ULK4: variants seen among roughly 807,000 people sequenced by gnomAD.
ULK4 encodes the protein inactive serine/threonine-protein kinase ULK4.
ULK4 carries 133 observed loss-of-function variants against 160.6 expected under a neutral mutation model. The observed-to-expected ratio is 0.83, with a 90% CI of 0.72 to 0.96. The LOEUF (loss-of-function observed/expected upper bound fraction) is 0.96. Ranked by LOEUF, ULK4 falls within the 40% of genes least tolerant of loss-of-function variation. The pLI is 0.00. For synonymous variants in ULK4, 534 were observed against 539.8 expected, an observed-to-expected ratio of 0.99 and a Z score of 0.15; for missense variants, 1,580 against 1,499.5, an observed-to-expected ratio of 1.05 and a Z score of -0.89.
chr3:41,715,849 AT>A (rs60458744), intron 23 of ULK4, among the ~76,000 whole-genome samples: 48,452 of 150,412 alleles, frequency 0.32, 11,424 homozygotes, highest in African/African-American at 0.67. Context: ...TAGCTTTAGA[AT>A]TTTTTTTTTG....
At chr3:41,394,603 A>G (rs548984984) in intron 35 of ULK4, among the ~76,000 whole-genome samples, 2 of 152,262 alleles carry the variant, frequency 1.3e-5, no homozygotes, top group African/African-American at 4.8e-5. Flanking sequence ...GAATGGTCGT[A>G]TGGGTACTTG....
At chr3:41,879,937 T>C (rs1697449351) in intron 17 of ULK4, among the ~76,000 whole-genome samples, 1 of 151,964 alleles carries the variant, frequency 6.6e-6, no homozygotes, top group African/African-American at 2.4e-5. Flanking sequence ...GCCAACATGG[T>C]GAAACCCCAT....
chr3:41,420,452 A>ATT (rs2082633487), intron 34 of ULK4, among the ~76,000 whole-genome samples: 1 of 81,142 alleles, frequency 1.2e-5, no homozygotes, highest in Non-Finnish European at 2.5e-5. Flanking sequence ...TGTGTAAGGG[A>ATT]TTTTTCAGTT....
chr3:41,482,469 T>C (rs116784024), intron 32 of ULK4, among the ~76,000 whole-genome samples: 5 of 152,154 alleles, frequency 3.3e-5, no homozygotes, highest in Non-Finnish European at 7.3e-5. Flanking sequence ...GCTTCAGGTG[T>C]CAAGTTTGGG....
chr3:41,502,058 T>C (rs949388050), intron 32 of ULK4, among the ~76,000 whole-genome samples: 13 of 152,344 alleles, frequency 8.5e-5, no homozygotes, highest in African/African-American at 3.1e-4. Flanking sequence ...TAGTATTCCA[T>C]TGTGTACATA....
chr3:41,548,334 C>T (rs2086937105), intron 32 of ULK4, among the ~76,000 whole-genome samples: 1 of 152,018 alleles, frequency 6.6e-6, no homozygotes, highest in Non-Finnish European at 1.5e-5. Context: ...CAGCCTACCC[C>T]AATCCCCAGT....
At chr3:41,870,669 T>C (rs556897247) in intron 17 of ULK4, among the ~76,000 whole-genome samples, 2 of 152,322 alleles carry the variant, frequency 1.3e-5, no homozygotes, top group South Asian at 4.1e-4. Flanking sequence ...ACAATGTGTA[T>C]ATATAATTCT....
At chr3:41,472,513 G>A (rs2084018985) in intron 32 of ULK4, among the ~76,000 whole-genome samples, 1 of 151,226 alleles carries the variant, frequency 6.6e-6, no homozygotes, top group African/African-American at 2.4e-5. Flanking sequence ...AGGTTGCGGT[G>A]AGCAGAGATC....
In ULK4 at chr3:41,297,916, A is replaced by G. The variant is rs1322584257; in HGVS notation, c.3679-48342T>C. On this transcript the variant is annotated intron_variant, in intron 35 of 36. Coordinates refer to ENST00000301831, the MANE Select transcript of ULK4 (RefSeq NM_017886.4). Reference sequence around the variant, plus strand: ...CACAAAGGATGATGCTTTCCTGGCAATGTTACACACTTTTAGCACCTATAG... The same window carrying G: ...CACAAAGGATGATGCTTTCCTGGCAGTGTTACACACTTTTAGCACCTATAG... Among the ~76,000 whole-genome samples, 3 of 152,216 alleles carry G rather than the reference A, an allele frequency of 2.0e-5. No individual in the cohort carries two copies. In the East Asian group the frequency reaches 5.8e-4, roughly 29 times the overall value.
At chr3:41,669,492 T>C (rs970063819) in intron 29 of ULK4, among the ~76,000 whole-genome samples, 2 of 152,150 alleles carry the variant, frequency 1.3e-5, no homozygotes, top group Non-Finnish European at 2.9e-5. Flanking sequence ...TGCTAGGCTC[T>C]AGGGATCCTC....
At chr3:41,627,849 G>A (rs1425981283) in intron 30 of ULK4, among the ~76,000 whole-genome samples, 1 of 152,206 alleles carries the variant, frequency 6.6e-6, no homozygotes, top group East Asian at 1.9e-4. Flanking sequence ...TTGAAAGACT[G>A]TAGGAATTGG....
intron 11 of ULK4, among the ~76,000 whole-genome samples, chr3:41,908,600 T>C (rs1033012553): frequency 2.6e-5 from 4 of 151,970 alleles, no homozygotes; most frequent in East Asian, 3.9e-4. Context: ...TGCCCGCCAC[T>C]GCACCAGGCT....
At chr3:41,720,686 A>G (rs1325387666) in intron 22 of ULK4, among the ~76,000 whole-genome samples, 2 of 152,192 alleles carry the variant, frequency 1.3e-5, no homozygotes, top group African/African-American at 4.8e-5. Context: ...AAATATACAT[A>G]CAATGACATC....
intron 32 of ULK4, among the ~76,000 whole-genome samples, chr3:41,525,235 C>T (rs1203357553): frequency 1.3e-5 from 2 of 152,184 alleles, no homozygotes; most frequent in African/African-American, 4.8e-5. Context: ...CTAAAATCCT[C>T]ATGCATGGTG....
chr3:41,432,281 A>G (rs569215645), intron 34 of ULK4, among the ~76,000 whole-genome samples: 2 of 152,190 alleles, frequency 1.3e-5, no homozygotes, highest in Admixed American at 6.5e-5. Flanking sequence ...TGATTATGTT[A>G]CCCATTAGCA....
At chr3:41,749,215 G>T (rs1397347073) in intron 22 of ULK4, among the ~76,000 whole-genome samples, 1 of 152,176 alleles carries the variant, frequency 6.6e-6, no homozygotes, top group Non-Finnish European at 1.5e-5. Context: ...GGGAGCGGTG[G>T]CTCACACCTG....
intron 3 of ULK4, chr3:41,937,434 A>C (rs1416268019): frequency 3.1e-5 from 19 of 619,376 alleles, no homozygotes; most frequent in Middle Eastern, 4.0e-4. Context: ...AGTTAGATGC[A>C]TAAAGCTAGT....
chr3:41,519,663 G>A (rs139162433), intron 32 of ULK4, among the ~76,000 whole-genome samples: 19 of 152,232 alleles, frequency 1.2e-4, no homozygotes, highest in South Asian at 4.2e-4. Flanking sequence ...GACACAGTGC[G>A]CACACGAATA....
intron 34 of ULK4, among the ~76,000 whole-genome samples, chr3:41,420,988 G>T (rs1048467806): frequency 1.5e-4 from 23 of 151,816 alleles, no homozygotes; most frequent in African/African-American, 5.1e-4. Context: ...GTGGTGCATG[G>T]CTGTAGTCGC....
Sources: allele counts gnomAD v4.1 joint callset (sites outside exome capture counted in the v4.1 genomes callset), GRCh38; gene constraint gnomAD v4.1.1; transcripts MANE v1.5; gene names NCBI Gene and HGNC (gene_info 2026-07-23, HGNC 2026-07-21).